MAGI2: variants seen among roughly 807,000 people sequenced by gnomAD.
The protein encoded by MAGI2 is membrane associated guanylate kinase, WW and PDZ domain containing 2.
Under a neutral mutation model 133.3 loss-of-function variants are expected in MAGI2, and 35 were observed. The ratio of observed to expected loss-of-function variants is 0.26; its 90% CI spans 0.20 to 0.35. The LOEUF is 0.35. Ranked by LOEUF, MAGI2 falls within the 10% of genes least tolerant of loss-of-function variation. MAGI2 has a pLI of 1.00. For synonymous variants in MAGI2, 729 were observed against 710.6 expected, an observed-to-expected ratio of 1.03 and a Z score of -0.41; for missense variants, 1,636 against 1,863.4, an observed-to-expected ratio of 0.88 and a Z score of 2.25.
intron 10 of MAGI2, among the ~76,000 whole-genome samples, chr7:78,226,728 C>T (rs926623129): frequency 1.3e-5 from 2 of 152,152 alleles, no homozygotes; most frequent in Admixed American, 6.5e-5. Flanking sequence ...ATGCACTGTG[C>T]GTGTGTATGT....
At chr7:79,312,621 A>C (rs1838375854) in intron 1 of MAGI2, among the ~76,000 whole-genome samples, 1 of 152,120 alleles carries the variant, frequency 6.6e-6, no homozygotes, top group Admixed American at 6.6e-5. Flanking sequence ...ATTGTCTATA[A>C]TTCCTCTCTC....
chr7:78,227,653 G>T (rs1480543154), intron 10 of MAGI2, among the ~76,000 whole-genome samples: 1 of 152,118 alleles, frequency 6.6e-6, no homozygotes, highest in East Asian at 1.9e-4. Flanking sequence ...GATATTTCAT[G>T]TGCATGAACT....
At chr7:78,507,958 T>A (rs1348693129) in intron 4 of MAGI2, among the ~76,000 whole-genome samples, 1 of 152,158 alleles carries the variant, frequency 6.6e-6, no homozygotes, top group Non-Finnish European at 1.5e-5. Context: ...GAGGTTAAAG[T>A]CCTATATCAA....
intron 1 of MAGI2, among the ~76,000 whole-genome samples, chr7:79,289,978 C>T (rs1026140473): frequency 2.6e-5 from 4 of 151,996 alleles, no homozygotes; most frequent in Non-Finnish European, 4.4e-5. Flanking sequence ...TCCAGCTCTT[C>T]CCATTTTTTA....
intron 9 of MAGI2, among the ~76,000 whole-genome samples, chr7:78,278,339 C>T (rs1795243375): frequency 6.6e-6 from 1 of 152,118 alleles, no homozygotes; most frequent in African/African-American, 2.4e-5. Context: ...GTTGTCTGCT[C>T]TACTAATTCA....
intron 1 of MAGI2, among the ~76,000 whole-genome samples, chr7:79,380,412 G>GAATA (rs1843695093): frequency 2.0e-5 from 3 of 151,702 alleles, no homozygotes; most frequent in African/African-American, 7.3e-5. Flanking sequence ...TTTGCTAGCT[G>GAATA]AATAGAACAT....
intron 2 of MAGI2, among the ~76,000 whole-genome samples, chr7:79,003,818 G>T (rs1807142358): frequency 6.6e-6 from 1 of 152,120 alleles, no homozygotes; most frequent in East Asian, 1.9e-4. Flanking sequence ...CTCAAAAGAA[G>T]ACATGCAAAT....
intron 2 of MAGI2, among the ~76,000 whole-genome samples, chr7:78,987,108 CAGA>C (rs1160359378): frequency 2.6e-5 from 4 of 151,996 alleles, no homozygotes; most frequent in Non-Finnish European, 5.9e-5. Context: ...AATTTTCATA[CAGA>C]AGGTCAATAC....
At chr7:78,708,424 T>A (rs944434847) in intron 2 of MAGI2, among the ~76,000 whole-genome samples, 1 of 152,176 alleles carries the variant, frequency 6.6e-6, no homozygotes, top group Non-Finnish European at 1.5e-5. Context: ...GAGCCTTTTC[T>A]GATTTCTCAG....
At chr7:79,365,867 C>CAAAAA (rs71095399) in intron 1 of MAGI2, among the ~76,000 whole-genome samples, 6,759 of 48,826 alleles carry the variant, frequency 0.14, 1,201 homozygotes, top group South Asian at 0.18. Flanking sequence ...ACTCTTGTCT[C>CAAAAA]AAAAAAAAAA....
At chr7:78,103,626 C>G (rs1044424384) in intron 20 of MAGI2, among the ~76,000 whole-genome samples, 10 of 152,202 alleles carry the variant, frequency 6.6e-5, no homozygotes, top group Admixed American at 6.5e-4. Context: ...TGGGCTCTGC[C>G]CAAACCCAGG....
chr7:78,379,319 C>T (rs916752562), intron 6 of MAGI2, among the ~76,000 whole-genome samples: 6 of 151,856 alleles, frequency 4.0e-5, no homozygotes, highest in African/African-American at 1.4e-4. Context: ...GTAAAGATGA[C>T]ACACATTTAA....
intron 2 of MAGI2, among the ~76,000 whole-genome samples, chr7:78,919,211 T>A (rs1192519916): frequency 6.6e-6 from 1 of 152,132 alleles, no homozygotes; most frequent in Non-Finnish European, 1.5e-5. Flanking sequence ...TTCTCACTTA[T>A]GCTTTTGTTG....
rs552114111 is a variant in MAGI2, at chr7:78,038,922, C to A, written c.3707-18946G>T. Among the ~76,000 whole-genome samples, 32 of 152,370 alleles carry A rather than the reference C, an allele frequency of 2.1e-4. No homozygotes were observed. In the East Asian group the frequency reaches 6.2e-3, roughly 29 times the overall value. ...CGGCATAGCCAGGACAGGACAACAA[C>A]ACCTGGACTGCCATAACTATGATTC... On this transcript the variant is annotated intron_variant, in intron 21 of 21. Transcript: ENST00000354212.
intron 10 of MAGI2, among the ~76,000 whole-genome samples, chr7:78,230,077 A>C (rs1789808289): frequency 6.6e-6 from 1 of 152,232 alleles, no homozygotes; most frequent in Non-Finnish European, 1.5e-5. Context: ...TTCTCAAGTT[A>C]AAGAATGCCT....
intron 3 of MAGI2, among the ~76,000 whole-genome samples, chr7:78,570,940 T>C (rs946516044): frequency 6.6e-6 from 1 of 152,166 alleles, no homozygotes; most frequent in African/African-American, 2.4e-5. Flanking sequence ...TGATCTCTTC[T>C]TTTTAAGTGA....
At chr7:79,422,192 T>C (rs1847011842) in intron 1 of MAGI2, among the ~76,000 whole-genome samples, 2 of 152,156 alleles carry the variant, frequency 1.3e-5, no homozygotes, top group South Asian at 2.1e-4. Flanking sequence ...TTTTAGGAAA[T>C]AGAGTGGAGT....
intron 2 of MAGI2, among the ~76,000 whole-genome samples, chr7:78,873,369 T>C (rs916633558): frequency 2.0e-5 from 3 of 152,012 alleles, no homozygotes; most frequent in African/African-American, 7.2e-5. Flanking sequence ...CCACTTCCCA[T>C]CGCTGGCATT....
At chr7:78,424,557 G>A (rs954692804) in intron 6 of MAGI2, among the ~76,000 whole-genome samples, 9 of 152,090 alleles carry the variant, frequency 5.9e-5, no homozygotes, top group African/African-American at 1.9e-4. Flanking sequence ...AACTTGCACC[G>A]TGTGCCTGGA....
Sources: allele counts gnomAD v4.1 joint callset (sites outside exome capture counted in the v4.1 genomes callset), GRCh38; gene constraint gnomAD v4.1.1; transcripts MANE v1.5; gene names NCBI Gene and HGNC (gene_info 2026-07-23, HGNC 2026-07-21).